The following B4GALT5 variants were observed in gnomAD, a reference collection of about 807,000 sequenced individuals.
B4GALT5 encodes the protein beta-1,4-galactosyltransferase 5.
A neutral mutation model predicts 45.0 loss-of-function variants in B4GALT5; 11 were observed. The observed-to-expected ratio is 0.24, with a 90% confidence interval of 0.15 to 0.40. B4GALT5 has a LOEUF of 0.40. B4GALT5 is among the 10% of genes least tolerant of loss of function. The pLI is 1.00. For missense variants in B4GALT5, 337 were observed against 500.2 expected (o/e 0.67, Z 3.11); for synonymous variants, 185 against 182.9 (o/e 1.01, Z -0.09).
At chr20:49,700,533 T>G (rs1249903684) in intron 1 of B4GALT5, among the ~76,000 whole-genome samples, 2 of 151,724 alleles carry the variant, frequency 1.3e-5, no homozygotes. Context: ...CTCCTGGGCT[T>G]AAGCGATCCT....
chr20:49,657,986 A>G (rs2085650178), intron 1 of B4GALT5, among the ~76,000 whole-genome samples: 1 of 152,164 alleles, frequency 6.6e-6, no homozygotes, highest in African/African-American at 2.4e-5. Context: ...AAATCTTTCG[A>G]AAGATTTCAA....
chr20:49,652,890 A>C (rs1568718949), intron 2 of B4GALT5, among the ~76,000 whole-genome samples: 1 of 152,228 alleles, frequency 6.6e-6, no homozygotes, highest in Non-Finnish European at 1.5e-5. Flanking sequence ...ACCACCATTA[A>C]GCCAACAGTG....
chr20:49,700,019 C>T (rs1192661635), intron 1 of B4GALT5, among the ~76,000 whole-genome samples: 1 of 152,096 alleles, frequency 6.6e-6, no homozygotes, highest in Non-Finnish European at 1.5e-5. Flanking sequence ...CACCCTTGCC[C>T]GCCACATGTG....
At chr20:49,707,913 C>CTTT (rs757359416) in intron 1 of B4GALT5, among the ~76,000 whole-genome samples, 1 of 135,876 alleles carries the variant, frequency 7.4e-6, no homozygotes, top group African/African-American at 2.7e-5. Flanking sequence ...CTTGCCCAGC[C>CTTT]TTTTTTTTTT....
chr20:49,662,366 A>G (rs903913128), intron 1 of B4GALT5, among the ~76,000 whole-genome samples: 2 of 152,148 alleles, frequency 1.3e-5, no homozygotes, highest in African/African-American at 2.4e-5. Context: ...CTTGTCCCCC[A>G]TAAGAATGTG....
At chr20:49,681,715 C>G (rs1366683063) in intron 1 of B4GALT5, among the ~76,000 whole-genome samples, 1 of 152,238 alleles carries the variant, frequency 6.6e-6, no homozygotes, top group Non-Finnish European at 1.5e-5. Context: ...CCCTTTTACC[C>G]TCATTCCTTG....
At chr20:49,699,225 T>C (rs922502079) in intron 1 of B4GALT5, among the ~76,000 whole-genome samples, 2 of 152,174 alleles carry the variant, frequency 1.3e-5, no homozygotes, top group Admixed American at 1.3e-4. Context: ...CTTTTTCATC[T>C]ACATTTCAGG....
At position 49,659,749 on chromosome 20, in the gene B4GALT5, T is replaced by A. The variant is rs574000522; in HGVS notation, c.116-3047A>T. On this transcript the variant is annotated intron_variant, in intron 1 of 8. Coordinates refer to ENST00000371711, the MANE Select transcript of B4GALT5 (RefSeq NM_004776.4). ...AGAGTCAACAGGGAAAATATGGCCA[T>A]CAGCAAAGAAAACCTACTTTGGTTG... Among the ~76,000 whole-genome samples the A allele has an allele frequency of 3.3e-5, 5 of 151,992 alleles. No individual in the cohort carries two copies. In the East Asian group the frequency reaches 9.6e-4, roughly 29 times the overall value.
chr20:49,641,630 C>A (rs1336745292), intron 5 of B4GALT5, among the ~76,000 whole-genome samples: 7 of 152,190 alleles, frequency 4.6e-5, no homozygotes, highest in Non-Finnish European at 7.3e-5. Flanking sequence ...TTTTTTCTCA[C>A]TCCAGTATAA....
chr20:49,650,475 A>C (rs1259428280), intron 2 of B4GALT5, among the ~76,000 whole-genome samples: 11 of 123,482 alleles, frequency 8.9e-5, no homozygotes, highest in Admixed American at 4.1e-4. Context: ...AAAAAAAAAA[A>C]AAAACACAAA....
In B4GALT5 at chr20:49,713,622, A is replaced by G; in HGVS notation, c.69T>C (p.Ser23=). The change falls in exon 1 of 9, where the codon TCT becomes TCC. Residue 23 remains serine, a synonymous_variant. Transcript: ENST00000371711. ...RSLLAALFFF[S]LSSSLLYFVY... Reference sequence around the variant, plus strand: ...CGAAGTACAGCAGCGAGGACGAGAGAGAAAAGAAGAAGAGCGCGGCGAGCA... The same window carrying G: ...CGAAGTACAGCAGCGAGGACGAGAGGGAAAAGAAGAAGAGCGCGGCGAGCA... 6.3e-7 allele frequency: 1 copy of G among 1,588,458 alleles called. No homozygotes were observed.
chr20:49,681,789 C>T (rs1267281291), intron 1 of B4GALT5, among the ~76,000 whole-genome samples: 1 of 152,156 alleles, frequency 6.6e-6, no homozygotes, highest in Non-Finnish European at 1.5e-5. Flanking sequence ...TTTTCTAATT[C>T]CTCTATTTGA....
At chr20:49,650,335 A>T (rs2085616482) in intron 2 of B4GALT5, among the ~76,000 whole-genome samples, 1 of 152,030 alleles carries the variant, frequency 6.6e-6, no homozygotes, top group Admixed American at 6.6e-5. Context: ...TTTCTTGTTT[A>T]AAAATTTTTA....
At chr20:49,704,632 T>TCACAC (rs2085876589) in intron 1 of B4GALT5, among the ~76,000 whole-genome samples, 1 of 148,474 alleles carries the variant, frequency 6.7e-6, no homozygotes, top group Non-Finnish European at 1.5e-5. Flanking sequence ...GGCAGGAGAA[T>TCACAC]GGCGTGAACC....
In B4GALT5 at chr20:49,710,678, A is replaced by T. The variant is rs555242638; in HGVS notation, c.115+2898T>A. Reference sequence around the variant, plus strand: ...CATGATCCACCCACCTTAGCCTCCCAAAGTGCTGGGATTACAGGTGTGAGC... The same window carrying T: ...CATGATCCACCCACCTTAGCCTCCCTAAGTGCTGGGATTACAGGTGTGAGC... On this transcript the variant is annotated intron_variant, in intron 1 of 8. Coordinates refer to ENST00000371711, the MANE Select transcript of B4GALT5 (RefSeq NM_004776.4). Among the ~76,000 whole-genome samples the T allele has an allele frequency of 2.6e-5, 4 of 152,154 alleles. No homozygotes were observed. In the East Asian group the frequency reaches 7.7e-4, roughly 29 times the overall value.
chr20:49,653,154 C>T (rs1601251577), intron 2 of B4GALT5, among the ~76,000 whole-genome samples: 2 of 152,172 alleles, frequency 1.3e-5, no homozygotes, highest in African/African-American at 2.4e-5. Flanking sequence ...GGAATATCTG[C>T]ATTATACTTA....
At chr20:49,670,913 TAAC>T (rs2085713324) in intron 1 of B4GALT5, among the ~76,000 whole-genome samples, 1 of 152,108 alleles carries the variant, frequency 6.6e-6, no homozygotes, top group Non-Finnish European at 1.5e-5. Context: ...ATTGGATAAA[TAAC>T]AAATGTGTTC....
At chr20:49,661,190 G>A (rs1392238455) in intron 1 of B4GALT5, among the ~76,000 whole-genome samples, 1 of 152,150 alleles carries the variant, frequency 6.6e-6, no homozygotes, top group Non-Finnish European at 1.5e-5. Context: ...AAACCAGAGA[G>A]GTGAACTGAG....
intron 2 of B4GALT5, among the ~76,000 whole-genome samples, chr20:49,648,354 C>T (rs536776649): frequency 6.6e-6 from 1 of 152,280 alleles, no homozygotes; most frequent in African/African-American, 2.4e-5. Context: ...TCTGTTTTGC[C>T]ATCTCTGGGG....
Sources: gnomAD v4.1 joint callset for allele counts (sites outside exome capture counted in the v4.1 genomes callset) on GRCh38, gnomAD v4.1.1 for gene constraint, MANE v1.5 for transcripts, NCBI Gene and HGNC (gene_info 2026-07-23, HGNC 2026-07-21) for gene names.